Variants in AKT3 observed in about 807,000 individuals in gnomAD.
AKT3 encodes RAC-gamma serine/threonine-protein kinase.
Under a neutral mutation model 65.3 loss-of-function variants are expected in AKT3, and 15 were observed. The ratio of observed to expected loss-of-function variants is 0.23; its 90% confidence interval spans 0.15 to 0.35. The LOEUF (loss-of-function observed/expected upper bound fraction) is 0.35, where lower values mean the gene tolerates loss of function less well. Ranked by LOEUF, AKT3 falls within the 10% of genes least tolerant of loss-of-function variation. The pLI, the probability that AKT3 is intolerant of heterozygous loss-of-function variation, is 1.00. For synonymous variants in AKT3, 206 were observed against 183.8 expected, an observed-to-expected ratio of 1.12 and a Z score of -0.98; for missense variants, 243 against 576.5, an observed-to-expected ratio of 0.42 and a Z score of 5.92.
chr1:243,571,324 C>G (rs1017789966), intron 9 of AKT3, among the ~76,000 whole-genome samples: 6 of 152,130 alleles, frequency 3.9e-5, no homozygotes, highest in African/African-American at 1.4e-4. Context: ...TGAAAACACA[C>G]ACACACATAC....
intron 8 of AKT3, among the ~76,000 whole-genome samples, chr1:243,607,247 C>T (rs1677498279): frequency 6.6e-6 from 1 of 152,156 alleles, no homozygotes; most frequent in Admixed American, 6.5e-5. Context: ...GCACAGTGCA[C>T]CTGGAAAAGC....
At chr1:243,797,914 A>G (rs12097127) in intron 2 of AKT3, among the ~76,000 whole-genome samples, 121,953 of 146,292 alleles carry the variant, frequency 0.83, 50,971 homozygotes, top group Middle Eastern at 0.87. Context: ...ATGGAGTCTC[A>G]CTCTGTCACC....
At chr1:243,847,700 AAC>A (rs1452135319) in intron 1 of AKT3, among the ~76,000 whole-genome samples, 1 of 152,316 alleles carries the variant, frequency 6.6e-6, no homozygotes, top group South Asian at 2.1e-4. Context: ...TGATTCTGAA[AAC>A]AGATTCCTTC....
At position 243,504,588 on chromosome 1, in the gene AKT3, G is replaced by C. The variant is rs1669538883; in HGVS notation, c.*661C>G. On this transcript the variant is annotated 3_prime_UTR_variant, in exon 14 of 14. Coordinates refer to ENST00000673466, the MANE Select transcript of AKT3 (RefSeq NM_005465.7). The stretch of plus-strand genomic sequence containing the variant: ...CCGTGAAGTCTCGACATCCACATGT[G>C]ATATGGGCTTCTTCTACAGTATCCA... 1 of 182,914 alleles carries C rather than the reference G, an allele frequency of 5.5e-6. No homozygotes were observed. The highest frequency in any genetic ancestry group is 2.4e-5 in the African/African-American group (1 of 42,182). 11.3% of individuals were successfully genotyped at this position (182,914 alleles called of 1,614,324 possible). A position where few individuals can be genotyped will look rare whatever the true frequency, so the allele number is the denominator to read the frequency against.
chr1:243,833,215 G>C (rs1266312726), intron 2 of AKT3, among the ~76,000 whole-genome samples: 1 of 152,128 alleles, frequency 6.6e-6, no homozygotes, highest in East Asian at 1.9e-4. Context: ...TCACACCACT[G>C]CACTTCAGCC....
chr1:243,553,410 G>A (rs952722627), intron 10 of AKT3, among the ~76,000 whole-genome samples: 9 of 152,122 alleles, frequency 5.9e-5, no homozygotes, highest in African/African-American at 2.2e-4. Context: ...AACAGTGAAA[G>A]ACAGTAGTAA....
At chr1:243,773,039 G>A (rs1179619303) in intron 2 of AKT3, among the ~76,000 whole-genome samples, 4 of 128,782 alleles carry the variant, frequency 3.1e-5, no homozygotes, top group Non-Finnish European at 6.5e-5. Flanking sequence ...GGCTGTTGTG[G>A]GGTGGGGGGA....
intron 12 of AKT3, among the ~76,000 whole-genome samples, chr1:243,529,419 T>C (rs774412127): frequency 1.2e-4 from 18 of 152,184 alleles, no homozygotes; most frequent in Non-Finnish European, 2.1e-4. Flanking sequence ...TTTTTTATAA[T>C]TTTAGGTTTT....
chr1:243,509,132 C>T (rs575588571), intron 13 of AKT3, among the ~76,000 whole-genome samples: 1 of 152,258 alleles, frequency 6.6e-6, no homozygotes, highest in South Asian at 2.1e-4. Flanking sequence ...ACAGCATGAT[C>T]CATGTCTGAA....
intron 2 of AKT3, among the ~76,000 whole-genome samples, chr1:243,764,315 G>C (rs1380091739): frequency 6.6e-6 from 1 of 151,898 alleles, no homozygotes; most frequent in African/African-American, 2.4e-5. Context: ...AAAGGGGCTG[G>C]AAGAAAATTA....
intron 13 of AKT3, among the ~76,000 whole-genome samples, chr1:243,493,316 C>T (rs571561831): frequency 7.0e-4 from 107 of 152,148 alleles, no homozygotes; most frequent in African/African-American, 2.5e-3. Context: ...CAGGGGTCTG[C>T]GGCCCAGAGC....
chr1:243,508,880 G>T (rs1433202269), intron 13 of AKT3, among the ~76,000 whole-genome samples: 1 of 151,828 alleles, frequency 6.6e-6, no homozygotes, highest in Non-Finnish European at 1.5e-5. Flanking sequence ...TGTTGGCCAG[G>T]CTAGTCTCAG....
rs568290351 is a variant in AKT3, at chr1:243,580,711, G to A, written c.697-7663C>T. On this transcript the variant is annotated intron_variant, in intron 8 of 13. Transcript: ENST00000673466. ...CAGTCACGTTCAGCTTGGCAACCTG[G>A]AACAGATTCGCATGTGCCATTGCCG... Among the ~76,000 whole-genome samples, 8 of 152,276 alleles carry A rather than the reference G, an allele frequency of 5.3e-5. No individual in the cohort carries two copies. The South Asian group carries it at 1.0e-3, about 20-fold the overall frequency.
intron 1 of AKT3, among the ~76,000 whole-genome samples, chr1:243,849,461 C>G (rs1231471678): frequency 7.0e-6 from 1 of 142,626 alleles, no homozygotes; most frequent in Non-Finnish European, 1.5e-5. Flanking sequence ...AGGAAGGAGA[C>G]CCCGGGGACG....
chr1:243,672,086 C>T (rs1008822294), intron 3 of AKT3, among the ~76,000 whole-genome samples: 2 of 152,148 alleles, frequency 1.3e-5, no homozygotes, highest in African/African-American at 4.8e-5. Flanking sequence ...AGTGTTTGAG[C>T]GGGAGAGGGC....
At chr1:243,751,716 C>A (rs1343786858) in intron 2 of AKT3, among the ~76,000 whole-genome samples, 1 of 151,934 alleles carries the variant, frequency 6.6e-6, no homozygotes, top group East Asian at 1.9e-4. Flanking sequence ...AGGAACAGTT[C>A]CTGAGACATG....
intron 8 of AKT3, among the ~76,000 whole-genome samples, chr1:243,600,421 T>C: frequency 6.6e-6 from 1 of 152,128 alleles, no homozygotes; most frequent in Middle Eastern, 3.2e-3. Flanking sequence ...CTAAAGTAAG[T>C]GTGTGGCATA....
rs139901264 is a variant in AKT3 at position 243,593,809 on chromosome 1, A to G, written c.696+19862T>C. On this transcript the variant is annotated intron_variant, in intron 8 of 13. Transcript: ENST00000673466. Reference sequence around the variant, plus strand: ...GAGAGAACTTAACCTAATAAAAGGTATATATGAAAAACTTATGACTAACAT... The same window carrying G: ...GAGAGAACTTAACCTAATAAAAGGTGTATATGAAAAACTTATGACTAACAT... 5.3e-5 allele frequency among the ~76,000 whole-genome samples: 8 copies of G among 152,354 alleles called. No homozygotes were observed. The East Asian group carries it at 5.8e-4, about 11-fold the overall frequency.
chr1:243,815,343 G>A (rs1276452948), intron 2 of AKT3, among the ~76,000 whole-genome samples: 1 of 152,098 alleles, frequency 6.6e-6, no homozygotes, highest in Non-Finnish European at 1.5e-5. Context: ...GCACATGACA[G>A]AGTTGCTAAA....
Sources: allele counts gnomAD v4.1 joint callset (sites outside exome capture counted in the v4.1 genomes callset), GRCh38; gene constraint gnomAD v4.1.1; transcripts MANE v1.5; gene names NCBI Gene and HGNC (gene_info 2026-07-23, HGNC 2026-07-21).